ADRA1A: variants seen among roughly 807,000 people sequenced by gnomAD.
ADRA1A encodes adrenoceptor alpha 1A.
A neutral mutation model predicts 29.6 loss-of-function variants in ADRA1A; 31 were observed. The ratio of observed to expected loss-of-function variants is 1.05; its 90% confidence interval spans 0.79 to 1.41. The LOEUF is 1.41. Among genes scored for constraint, ADRA1A ranks in the 40% most tolerant of loss-of-function variants. ADRA1A has a pLI of 0.00. For synonymous variants in ADRA1A, 311 were observed against 254.3 expected, an observed-to-expected ratio of 1.22 and a Z score of -2.12; for missense variants, 619 against 601.1, an observed-to-expected ratio of 1.03 and a Z score of -0.31.
chr8:26,749,640 G>C (rs1427726702), intron 2 of ADRA1A, among the ~76,000 whole-genome samples: 1 of 152,148 alleles, frequency 6.6e-6, no homozygotes, highest in Non-Finnish European at 1.5e-5. Context: ...TATATGAAGA[G>C]GGCAGGAAGA....
At chr8:26,828,204 G>C (rs1810727358) in intron 2 of ADRA1A, among the ~76,000 whole-genome samples, 1 of 152,170 alleles carries the variant, frequency 6.6e-6, no homozygotes, top group East Asian at 1.9e-4. Flanking sequence ...TTTCTTATTT[G>C]TAAAATCAGA....
intron 2 of ADRA1A, among the ~76,000 whole-genome samples, chr8:26,844,276 C>A (rs1812044290): frequency 6.6e-6 from 1 of 152,150 alleles, no homozygotes; most frequent in East Asian, 1.9e-4. Context: ...CTGATAAGGT[C>A]AGATTTTGGC....
At chr8:26,822,784 G>A (rs912579437) in intron 2 of ADRA1A, among the ~76,000 whole-genome samples, 3 of 152,150 alleles carry the variant, frequency 2.0e-5, no homozygotes, top group East Asian at 1.9e-4. Flanking sequence ...GGTGACTTCC[G>A]CTTCTGGGGA....
rs1291976873 is a variant in ADRA1A at position 26,770,041 on chromosome 8, C to A, written c.*108G>T. 6.7e-7 allele frequency: 1 copy of A among 1,482,064 alleles called. No homozygotes were observed. The highest frequency in any genetic ancestry group is 1.5e-5 in the South Asian group (1 of 65,070). The allele number at this position is 1,482,064 out of a possible 1,614,324, so 91.8% of individuals were successfully genotyped here. A position where few individuals can be genotyped will look rare whatever the true frequency, so the allele number is the denominator to read the frequency against. ...ACCACCCACCCCATTCCCAGCAGGT[C>A]CCCTCTTTGATTGGTCCTGTCTTGT... On this transcript the variant is annotated 3_prime_UTR_variant, in exon 3 of 3. Coordinates refer to ENST00000380573, the MANE Select transcript of ADRA1A (RefSeq NM_000680.4).
chr8:26,819,704 A>C (rs958861109), intron 2 of ADRA1A, among the ~76,000 whole-genome samples: 3 of 152,150 alleles, frequency 2.0e-5, no homozygotes, highest in Non-Finnish European at 2.9e-5. Context: ...GAAAAAAGGA[A>C]CTACACAACA....
At chr8:26,832,388 A>T (rs556453357) in intron 2 of ADRA1A, among the ~76,000 whole-genome samples, 1 of 152,258 alleles carries the variant, frequency 6.6e-6, no homozygotes, top group African/African-American at 2.4e-5. Context: ...CTCTGTAAAC[A>T]ATGTGCACTC....
At chr8:26,813,477 T>G (rs1323495195) in intron 2 of ADRA1A, among the ~76,000 whole-genome samples, 1 of 151,500 alleles carries the variant, frequency 6.6e-6, no homozygotes, top group Non-Finnish European at 1.5e-5. Flanking sequence ...GGATCTTAAT[T>G]CCTCTTGCAT....
intron 2 of ADRA1A, among the ~76,000 whole-genome samples, chr8:26,808,095 A>G (rs547770499): frequency 3.3e-5 from 5 of 152,274 alleles, no homozygotes; most frequent in African/African-American, 1.2e-4. Flanking sequence ...CCTTGACTTT[A>G]TTTCCCCTAT....
chr8:26,764,266 A>T (rs1563232942), downstream of ADRA1A, among the ~76,000 whole-genome samples: 1 of 152,202 alleles, frequency 6.6e-6, no homozygotes, highest in Admixed American at 6.5e-5. Context: ...ACTGCCTTAC[A>T]TGTCACCCTG....
chr8:26,790,018 G>C (rs1807700877), intron 2 of ADRA1A, among the ~76,000 whole-genome samples: 1 of 152,140 alleles, frequency 6.6e-6, no homozygotes, highest in Admixed American at 6.6e-5. Context: ...ATGTAAACTA[G>C]TACAGCCATT....
chr8:26,812,463 A>G (rs1479808473), intron 2 of ADRA1A, among the ~76,000 whole-genome samples: 2 of 152,110 alleles, frequency 1.3e-5, no homozygotes, highest in African/African-American at 4.8e-5. Context: ...GCTTATTTAC[A>G]GGAAACAGGG....
chr8:26,841,959 C>T lies in ADRA1A; in HGVS notation c.883+22128G>A, dbSNP rs2130703684. Among the ~76,000 whole-genome samples the T allele has an allele frequency of 6.6e-6, 1 of 152,200 alleles. No homozygotes were observed. Among genetic ancestry groups the T allele is most frequent in the Non-Finnish European group, 1.5e-5 (1 of 68,004 alleles). On this transcript the variant is annotated intron_variant, in intron 2 of 2. Transcript: ENST00000380573. The surrounding 1 kb of genome is among the most constrained non-coding windows in gnomAD (Gnocchi z 4.4). The stretch of plus-strand genomic sequence containing the variant: ...GTTGTGCAAGTTCTGCTTGTTTTTT[C>T]TTCTGCCTACTGATGCCAACATATT...
At chr8:26,829,323 A>G (rs888242539) in intron 2 of ADRA1A, among the ~76,000 whole-genome samples, 1 of 152,154 alleles carries the variant, frequency 6.6e-6, no homozygotes, top group Non-Finnish European at 1.5e-5. Flanking sequence ...CGTGTATAAA[A>G]CAGAACTGCC....
exon 3 of ADRA1A, chr8:26,756,471 T>C: frequency 6.8e-7 from 1 of 1,478,978 alleles, no homozygotes. Flanking sequence ...TGTATGAAAC[T>C]GATTTACAAA....
intron 2 of ADRA1A, among the ~76,000 whole-genome samples, chr8:26,749,131 A>G (rs1804814435): frequency 6.6e-6 from 1 of 152,222 alleles, no homozygotes; most frequent in South Asian, 2.1e-4. Flanking sequence ...CATGGCCCCT[A>G]AAAATACTAG....
At chr8:26,838,160 G>A (rs1385590814) in intron 2 of ADRA1A, among the ~76,000 whole-genome samples, 1 of 152,208 alleles carries the variant, frequency 6.6e-6, no homozygotes, top group Non-Finnish European at 1.5e-5. Flanking sequence ...TCAGGCACCA[G>A]AAATCTATGT....
At chr8:26,819,947 G>A (rs1229227714) in intron 2 of ADRA1A, among the ~76,000 whole-genome samples, 1 of 152,072 alleles carries the variant, frequency 6.6e-6, no homozygotes, top group East Asian at 1.9e-4. Context: ...AAGAGAGCAG[G>A]GGTAGCTATA....
In ADRA1A at chr8:26,865,600, T is replaced by G. The variant is rs1005350882; in HGVS notation, c.-631A>C. ...AGGAGCACAGGTCAGGGGACGTAGG[T>G]GTGGAATATGTGCTGAGACCCAGGA... On this transcript the variant is annotated 5_prime_UTR_variant, in exon 2 of 3. Transcript: ENST00000380573. This position sits in a 1 kb window ranked among gnomAD's most constrained non-coding sequence, Gnocchi z 7.6. 2.0e-6 allele frequency: 2 copies of G among 986,954 alleles called. No homozygotes were observed. The highest frequency in any genetic ancestry group is 2.4e-6 in the Non-Finnish European group (2 of 831,360). 61.1% of individuals were successfully genotyped at this position (986,954 alleles called of 1,614,324 possible).
chr8:26,778,214 C>T (rs562483133), intron 2 of ADRA1A, among the ~76,000 whole-genome samples: 38 of 152,256 alleles, frequency 2.5e-4, no homozygotes, highest in East Asian at 3.9e-4. Context: ...TGGACCCCAA[C>T]GCCCATAAGA....
Sources: allele counts gnomAD v4.1 joint callset (sites outside exome capture counted in the v4.1 genomes callset), GRCh38; gene constraint gnomAD v4.1.1; non-coding constraint Gnocchi (gnomAD v3.1); transcripts MANE v1.5; gene names NCBI Gene and HGNC (gene_info 2026-07-23, HGNC 2026-07-21).